Variants in POLK observed in about 807,000 individuals in gnomAD.
The protein encoded by POLK is polymerase (DNA directed) kappa.
A neutral mutation model predicts 94.0 loss-of-function variants in POLK; 76 were observed. The ratio of observed to expected loss-of-function variants is 0.81; its 90% CI spans 0.67 to 0.98. POLK has a LOEUF of 0.98. POLK is among the 50% of genes least tolerant of loss of function. The pLI, the probability that POLK is intolerant of heterozygous loss-of-function variation, is 0.00. For synonymous variants in POLK, 349 were observed against 325.4 expected, an observed-to-expected ratio of 1.07 and a Z score of -0.78; for missense variants, 954 against 1,010.1, an observed-to-expected ratio of 0.94 and a Z score of 0.75.
intron 13 of POLK, chr5:75,597,470 A>C (rs1350157876): frequency 4.9e-6 from 2 of 405,604 alleles, no homozygotes; most frequent in Non-Finnish European, 8.7e-6. Flanking sequence ...CTGTGAAGGC[A>C]CAGTGGTAAA....
At position 75,527,512 on chromosome 5, in the gene POLK, C is replaced by A. The variant is rs1049585165; in HGVS notation, c.-14+15598C>A. On this transcript the variant is annotated intron_variant, in intron 1 of 14. Transcript: ENST00000241436. ...AAAAAAATTTATATATACACACACA[C>A]ACACACACACACACACACACACACA... 5.5e-5 allele frequency among the ~76,000 whole-genome samples: 8 copies of A among 144,894 alleles called. No individual in the cohort carries two copies. The East Asian group carries it at 5.9e-4, about 11-fold the overall frequency.
At chr5:75,598,157 T>A in exon 15 of POLK, 2 of 460,984 alleles carry the variant, frequency 4.3e-6, no homozygotes, top group Non-Finnish European at 3.9e-6. Context: ...ATGTTTGCTT[T>A]TCTAAGATAC....
intron 1 of POLK, among the ~76,000 whole-genome samples, chr5:75,546,600 C>T (rs1770034278): frequency 1.3e-5 from 2 of 151,926 alleles, no homozygotes; most frequent in East Asian, 1.9e-4. Flanking sequence ...AACGGATGTA[C>T]ATGGTCCTCC....
At chr5:75,520,993 G>A (rs563616946) in intron 1 of POLK, among the ~76,000 whole-genome samples, 1 of 150,386 alleles carries the variant, frequency 6.6e-6, no homozygotes. Context: ...CAAACAAATT[G>A]AAGCTCCTTT....
At chr5:75,582,041 A>G in intron 7 of POLK, 1 of 981,532 alleles carries the variant, frequency 1.0e-6, no homozygotes. Flanking sequence ...TTTGCATGTA[A>G]TAACTTGAGT....
intron 2 of POLK, among the ~76,000 whole-genome samples, chr5:75,551,097 C>G (rs112647527): frequency 5.0e-4 from 76 of 151,942 alleles, no homozygotes; most frequent in African/African-American, 1.7e-3. Flanking sequence ...ACAAAATTAA[C>G]TCAAAATAGA....
intron 1 of POLK, among the ~76,000 whole-genome samples, chr5:75,527,540 CAA>C (rs1443311440): frequency 1.5e-3 from 224 of 145,112 alleles, no homozygotes; most frequent in Non-Finnish European, 2.7e-3. Context: ...CACACACACA[CAA>C]GTACGTGTGT....
intron 6 of POLK, 77 bp from the exon 7 acceptor site, chr5:75,581,132 A>G (rs1772171435): frequency 9.7e-7 from 1 of 1,030,808 alleles, no homozygotes; most frequent in Non-Finnish European, 1.4e-6. Flanking sequence ...GTCTTCAGAA[A>G]TAATGTAGGG....
chr5:75,576,393 G>A (rs1771873940), intron 5 of POLK, among the ~76,000 whole-genome samples: 1 of 151,982 alleles, frequency 6.6e-6, no homozygotes, highest in Admixed American at 6.6e-5. Context: ...CAAAAGGCAG[G>A]AGGGAATAGA....
intron 1 of POLK, among the ~76,000 whole-genome samples, chr5:75,530,245 CTTTTTTT>C (rs575507126): frequency 4.3e-4 from 41 of 95,934 alleles, no homozygotes; most frequent in African/African-American, 9.4e-4. Flanking sequence ...ATTTGTATTT[CTTTTTTT>C]TTTTTTTTTT....
In POLK at chr5:75,545,799, C is replaced by T. The variant is rs149198632; in HGVS notation, c.-13-1211C>T. ...TACCATGTTTTAATCTGGGTAGAAA[C>T]GTAAGTTTTCTACTCATGCCTGGGT... is the stretch of plus-strand genomic sequence containing the variant. On this transcript the variant is annotated intron_variant, in intron 1 of 14. Coordinates refer to ENST00000241436, the Ensembl canonical transcript of POLK. Among the ~76,000 whole-genome samples, 670 of 152,086 alleles carry T rather than the reference C, an allele frequency of 4.4e-3. 3 individuals are homozygous for T. The highest frequency in any genetic ancestry group is 7.6e-3 in the Non-Finnish European group (520 of 67,998).
chr5:75,584,770 T>C, exon 9 of POLK: 8 of 1,529,792 alleles, frequency 5.2e-6, no homozygotes, highest in Non-Finnish European at 7.1e-6. Flanking sequence ...GTTTCTGGAA[T>C]AGGAAAAGTT....
At chr5:75,574,621 T>C (rs777876413) in intron 5 of POLK, among the ~76,000 whole-genome samples, 14 of 152,218 alleles carry the variant, frequency 9.2e-5, no homozygotes, top group South Asian at 4.1e-4. Context: ...CTAATACTTA[T>C]TACTCTTTAG....
the POLK span, among the ~76,000 whole-genome samples, chr5:75,608,152 C>T: frequency 1.9e-3 from 284 of 151,986 alleles, 1 homozygote; most frequent in Non-Finnish European, 3.2e-4. Flanking sequence ...TATTGCAGGT[C>T]GGGTACTGTT....
intron 3 of POLK, among the ~76,000 whole-genome samples, chr5:75,567,544 CT>C (rs1771344074): frequency 6.6e-6 from 1 of 152,218 alleles, no homozygotes; most frequent in Admixed American, 6.5e-5. Context: ...TTTAAACCAA[CT>C]TTAATATACT....
At chr5:75,572,912 G>A (rs569638181) in intron 4 of POLK, among the ~76,000 whole-genome samples, 4 of 152,302 alleles carry the variant, frequency 2.6e-5, no homozygotes, top group African/African-American at 7.2e-5. Flanking sequence ...TACACTGTTG[G>A]TAGGACTGTA....
intron 1 of POLK, among the ~76,000 whole-genome samples, chr5:75,525,990 T>C (rs979936452): frequency 1.3e-5 from 2 of 152,178 alleles, no homozygotes; most frequent in Non-Finnish European, 2.9e-5. Context: ...AAATGAAATA[T>C]CTAAACTAAT....
intron 1 of POLK, among the ~76,000 whole-genome samples, chr5:75,521,647 T>C (rs1313962116): frequency 1.3e-5 from 2 of 152,256 alleles, no homozygotes; most frequent in African/African-American, 4.8e-5. Flanking sequence ...TTGTTTCTTT[T>C]GGATGTACAT....
intron 3 of POLK, among the ~76,000 whole-genome samples, chr5:75,566,734 T>C (rs567934300): frequency 3.5e-4 from 53 of 152,232 alleles, no homozygotes; most frequent in Non-Finnish European, 6.8e-4. Context: ...GTGAGCCGGG[T>C]ACCTCAGTTG....
Sources: allele counts gnomAD v4.1 joint callset (sites outside exome capture counted in the v4.1 genomes callset), GRCh38; gene constraint gnomAD v4.1.1; transcripts MANE v1.5; gene names NCBI Gene and HGNC (gene_info 2026-07-23, HGNC 2026-07-21).